Variants in OTOGL observed in about 807,000 individuals in gnomAD.
OTOGL encodes otogelin like, also known as otogelin-like protein.
OTOGL carries 285 observed loss-of-function variants against 318.5 expected under a neutral mutation model. That is an observed-to-expected ratio of 0.89 (90% CI 0.81 to 0.99). The LOEUF is 0.99. Among genes scored for constraint, OTOGL ranks in the 50% least tolerant of loss-of-function variants. The pLI, the probability that OTOGL is intolerant of heterozygous loss-of-function variation, is 0.00. For missense variants in OTOGL, 2,899 were observed against 2,845.6 expected, an observed-to-expected ratio of 1.02 and a Z score of -0.43; for synonymous variants, 987 against 936.5, an observed-to-expected ratio of 1.05 and a Z score of -0.99.
chr12:80,354,634 A>C (rs1889760107), intron 46 of OTOGL, among the ~76,000 whole-genome samples: 1 of 152,176 alleles, frequency 6.6e-6, no homozygotes, highest in Non-Finnish European at 1.5e-5. Context: ...AAAGGCAAGG[A>C]GAAGTGAAAT....
At chr12:80,241,922 A>C (rs552835111) in intron 11 of OTOGL, among the ~76,000 whole-genome samples, 1 of 152,192 alleles carries the variant, frequency 6.6e-6, no homozygotes, top group African/African-American at 2.4e-5. Flanking sequence ...TATCATGTCC[A>C]CATTTTAGCC....
intron 15 of OTOGL, 122 bp downstream of exon 15, chr12:80,254,692 C>T (rs1565932418): frequency 1.3e-6 from 1 of 754,030 alleles, no homozygotes; most frequent in Non-Finnish European, 2.0e-6. Flanking sequence ...TCTGTAAATG[C>T]AATTACTCAG....
At position 80,328,856 on chromosome 12, in the gene OTOGL, G is replaced by C. The variant is rs1390564978; in HGVS notation, c.4279+112G>C. ...TTAAACAGACAATCAACTCTCATAA[G>C]ATTATTCTTCAATGTCTCTTACATA... On this transcript the variant is annotated intron_variant, in intron 36 of 58. Transcript: ENST00000547103. 5.3e-6 allele frequency: 6 copies of C among 1,130,358 alleles called. No individual in the cohort carries two copies. The Admixed American group carries it at 1.5e-4, about 27-fold the overall frequency. 70.0% of individuals were successfully genotyped at this position (1,130,358 alleles called of 1,614,324 possible). A position where few individuals can be genotyped will look rare whatever the true frequency, so the allele number is the denominator to read the frequency against.
At chr12:80,123,696 C>T (rs369895170) in intron 1 of OTOGL, among the ~76,000 whole-genome samples, 1 of 152,010 alleles carries the variant, frequency 6.6e-6, no homozygotes. Flanking sequence ...CTCTCCAGCA[C>T]CTGTTGTTTC....
At chr12:80,117,559 C>T (rs777923140) in intron 1 of OTOGL, among the ~76,000 whole-genome samples, 11 of 152,272 alleles carry the variant, frequency 7.2e-5, no homozygotes, top group Admixed American at 1.3e-4. Flanking sequence ...TGATGTTTTC[C>T]GTACCTCCTG....
chr12:80,373,897 C>T (rs1891031962), intron 57 of OTOGL, among the ~76,000 whole-genome samples: 1 of 152,028 alleles, frequency 6.6e-6, no homozygotes, highest in South Asian at 2.1e-4. Context: ...TAGGAGAGGG[C>T]AGAGGCTGAA....
At chr12:80,212,181 G>A (rs1592552045) in intron 4 of OTOGL, among the ~76,000 whole-genome samples, 184 bp downstream of exon 4, 1 of 152,062 alleles carries the variant, frequency 6.6e-6, no homozygotes, top group East Asian at 1.9e-4. Flanking sequence ...TCATGCTTAG[G>A]TCACATCGAC....
chr12:80,149,487 C>T (rs956718951), intron 1 of OTOGL, among the ~76,000 whole-genome samples: 2 of 152,160 alleles, frequency 1.3e-5, no homozygotes, highest in African/African-American at 4.8e-5. Context: ...CAGACAGGGA[C>T]ATTTAAGTCT....
At chr12:80,355,657 G>T in intron 46 of OTOGL, 79 bp from the exon 47 acceptor site, 1 of 1,222,726 alleles carries the variant, frequency 8.2e-7, no homozygotes, top group Non-Finnish European at 1.1e-6. Flanking sequence ...CCATGTCACA[G>T]TCTGAAACCA....
intron 1 of OTOGL, among the ~76,000 whole-genome samples, chr12:80,134,628 C>T (rs1040695975): frequency 4.6e-5 from 7 of 152,092 alleles, no homozygotes; most frequent in African/African-American, 1.7e-4. Context: ...ACTCCTATTC[C>T]CTGGGTCTTC....
At chr12:80,190,425 G>A (rs1266087004) in intron 1 of OTOGL, among the ~76,000 whole-genome samples, 1 of 152,106 alleles carries the variant, frequency 6.6e-6, no homozygotes, top group Non-Finnish European at 1.5e-5. Flanking sequence ...TGCCATTTGG[G>A]AAGAACCTAT....
chr12:80,207,785 A>C (rs1043374506), intron 1 of OTOGL, among the ~76,000 whole-genome samples: 1 of 152,240 alleles, frequency 6.6e-6, no homozygotes, highest in Non-Finnish European at 1.5e-5. Flanking sequence ...TCTTCTAAAC[A>C]GATTTCAACC....
At position 80,336,988 on chromosome 12, in the gene OTOGL, A is replaced by G. The variant is rs767272801; in HGVS notation, c.4844A>G (p.Asn1615Ser). The change falls in exon 42 of 59, where the codon AAT becomes AGT. Residue 1615 changes from asparagine to serine, a missense_variant. By Grantham distance (46) the Asn-to-Ser change is conservative. This residue lies in a region of OTOGL where 2,607 missense variants were observed against 2,524.9 expected (regional missense o/e 1.03). Transcript: ENST00000547103. The part of the protein sequence containing the change: ...VTTPIHKIIV[N>S]RLARKVEVDS... Reference sequence around the variant, plus strand: ...ACACCCATACATAAAATAATTGTCAATCGGTTGGCAAGAAAGGTAAGAATA... The same window carrying G: ...ACACCCATACATAAAATAATTGTCAGTCGGTTGGCAAGAAAGGTAAGAATA... 1.1e-5 allele frequency: 17 copies of G among 1,582,134 alleles called. No homozygotes were observed. In the South Asian group the frequency reaches 1.7e-4, roughly 16 times the overall value.
intron 44 of OTOGL, 45 bp from the exon 45 acceptor site, chr12:80,352,250 G>A (rs749070401): frequency 2.3e-5 from 35 of 1,539,892 alleles, no homozygotes; most frequent in Non-Finnish European, 3.0e-5. Context: ...GGCTTTCAGA[G>A]AAATAAAACA....
intron 42 of OTOGL, among the ~76,000 whole-genome samples, chr12:80,337,809 G>A (rs1888508371): frequency 1.3e-5 from 2 of 152,048 alleles, no homozygotes; most frequent in Admixed American, 6.6e-5. Context: ...GCCTAAAAAT[G>A]TAAGAAGATA....
At chr12:80,293,629 C>A (rs79232335) in intron 26 of OTOGL, among the ~76,000 whole-genome samples, 1 of 151,822 alleles carries the variant, frequency 6.6e-6, no homozygotes, top group Admixed American at 6.6e-5. Flanking sequence ...TCAGTTCAGT[C>A]ATCATTTCTA....
intron 14 of OTOGL, among the ~76,000 whole-genome samples, chr12:80,254,166 C>T (rs1006072864): frequency 6.6e-6 from 1 of 151,978 alleles, no homozygotes. Flanking sequence ...AAAACTCACA[C>T]CTTTGTCAGG....
At chr12:80,146,524 T>A (rs1382913448) in intron 1 of OTOGL, among the ~76,000 whole-genome samples, 2 of 151,744 alleles carry the variant, frequency 1.3e-5, no homozygotes, top group African/African-American at 4.9e-5. Context: ...ATTCTCTTTT[T>A]TGGTTGTGTC....
intron 1 of OTOGL, among the ~76,000 whole-genome samples, chr12:80,109,972 A>G (rs1869729087): frequency 6.6e-6 from 1 of 152,136 alleles, no homozygotes; most frequent in Non-Finnish European, 1.5e-5. Flanking sequence ...ATACATGTGC[A>G]GAACATGCAG....
Sources: gnomAD v4.1 joint callset for allele counts (sites outside exome capture counted in the v4.1 genomes callset) on GRCh38, gnomAD v4.1.1 for gene constraint, gnomAD v4.1.1 regional missense constraint, MANE v1.5 for transcripts, NCBI Gene and HGNC (gene_info 2026-07-23, HGNC 2026-07-21) for gene names.